WDR88: variants seen among roughly 807,000 people sequenced by gnomAD.
WDR88 encodes the protein WD repeat domain 88.
In WDR88, 40 loss-of-function variants were observed where a neutral mutation model predicts 46.8. The ratio of observed to expected loss-of-function variants is 0.86; its 90% CI spans 0.66 to 1.11. The LOEUF is 1.11. Ranked by LOEUF, WDR88 falls within the 50% of genes most tolerant of loss-of-function variation. The pLI, the probability that WDR88 is intolerant of heterozygous loss-of-function variation, is 0.00. For missense variants in WDR88, 562 were observed against 602.4 expected (o/e 0.93, Z 0.70); for synonymous variants, 235 against 240.7 (o/e 0.98, Z 0.22).
intron 8 of WDR88, among the ~76,000 whole-genome samples, chr19:33,162,694 TCC>T (rs1973889308): frequency 6.6e-6 from 1 of 151,906 alleles, no homozygotes; most frequent in African/African-American, 2.4e-5. Flanking sequence ...ATAATATTTC[TCC>T]CCCAATCTTG....
intron 9 of WDR88, among the ~76,000 whole-genome samples, chr19:33,171,165 T>C (rs1465417065): frequency 6.6e-6 from 1 of 152,116 alleles, no homozygotes; most frequent in African/African-American, 2.4e-5. Context: ...TTTGTATTTT[T>C]AGTAGAGACA....
At chr19:33,164,323 A>G in intron 9 of WDR88, 58 bp downstream of exon 9, 1 of 1,509,432 alleles carries the variant, frequency 6.6e-7, no homozygotes, top group Non-Finnish European at 9.2e-7. Context: ...TGATAGTGGA[A>G]GAGTTATTGC....
intron 5 of WDR88, 64 bp from the exon 6 acceptor site, chr19:33,151,117 G>C: frequency 6.4e-7 from 1 of 1,559,454 alleles, no homozygotes. Context: ...GGGAAGTCGT[G>C]GGAGTCCTCC....
intron 1 of WDR88, among the ~76,000 whole-genome samples, chr19:33,135,186 C>T (rs1973237183): frequency 6.6e-6 from 1 of 151,970 alleles, no homozygotes; most frequent in Non-Finnish European, 1.5e-5. Context: ...ATTCAGAGTA[C>T]TGTACTCCCC....
At chr19:33,174,323 G>A in intron 10 of WDR88, 5 of 1,516,192 alleles carry the variant, frequency 3.3e-6, no homozygotes, top group Non-Finnish European at 3.5e-6. Flanking sequence ...TCTCCAGCAG[G>A]CCTCAGTGTC....
intron 8 of WDR88, among the ~76,000 whole-genome samples, chr19:33,162,505 G>T (rs1181101536): frequency 6.6e-6 from 1 of 151,556 alleles, no homozygotes; most frequent in East Asian, 1.9e-4. Context: ...GGAGCACCGC[G>T]CCCGGCCTGC....
intron 6 of WDR88, 95 bp from the exon 7 acceptor site, chr19:33,156,260 G>A (rs1973732481): frequency 3.8e-6 from 5 of 1,318,716 alleles, no homozygotes; most frequent in East Asian, 2.3e-5. Context: ...GCCCGACCAT[G>A]AGCTCACAGG....
chr19:33,164,706 C>G (rs938977179), intron 9 of WDR88, among the ~76,000 whole-genome samples: 1 of 151,984 alleles, frequency 6.6e-6, no homozygotes, highest in Non-Finnish European at 1.5e-5. Context: ...GTGTGAACCC[C>G]GGAGAAGTGG....
intron 6 of WDR88, among the ~76,000 whole-genome samples, chr19:33,153,229 GTTTT>G (rs35860325): frequency 1.5e-5 from 2 of 129,510 alleles, no homozygotes; most frequent in African/African-American, 5.6e-5. Context: ...TTTTAAGTTT[GTTTT>G]TTTTTTTTTT....
intron 2 of WDR88, among the ~76,000 whole-genome samples, chr19:33,144,263 A>G (rs779135275): frequency 6.6e-6 from 1 of 152,212 alleles, no homozygotes; most frequent in East Asian, 1.9e-4. Context: ...GAAGTGGCGC[A>G]ATCTTAGCTC....
At chr19:33,172,265 T>C (rs1974050292) in intron 9 of WDR88, 83 bp from the exon 10 acceptor site, 1 of 1,191,724 alleles carries the variant, frequency 8.4e-7, no homozygotes, top group Non-Finnish European at 1.2e-6. Context: ...TGACAGCCCA[T>C]GTCTTTTGAT....
chr19:33,134,480 A>C (rs1378749061), intron 1 of WDR88, among the ~76,000 whole-genome samples: 1 of 152,066 alleles, frequency 6.6e-6, no homozygotes. Flanking sequence ...TGCGTGAGCC[A>C]CTGCACCCAG....
At chr19:33,169,970 C>T (rs1258620133) in intron 9 of WDR88, among the ~76,000 whole-genome samples, 2 of 152,102 alleles carry the variant, frequency 1.3e-5, no homozygotes, top group Admixed American at 6.6e-5. Context: ...CTCCGCCTCC[C>T]GGGTTCAAGT....
intron 1 of WDR88, among the ~76,000 whole-genome samples, chr19:33,134,251 G>A (rs965750079): frequency 1.6e-4 from 24 of 152,064 alleles, no homozygotes; most frequent in Admixed American, 4.6e-4. Flanking sequence ...TGGGGGTAGC[G>A]GAATGGTTCC....
At chr19:33,164,366 C>A in intron 9 of WDR88, 101 bp downstream of exon 9, 1 of 1,065,554 alleles carries the variant, frequency 9.4e-7, no homozygotes, top group Non-Finnish European at 1.5e-6. Context: ...GTTCGGTGAG[C>A]TGTACCTGAC....
chr19:33,134,937 G>A (rs1568356863), intron 1 of WDR88, among the ~76,000 whole-genome samples: 1 of 137,052 alleles, frequency 7.3e-6, no homozygotes, highest in South Asian at 2.6e-4. Flanking sequence ...ACTCAGCCCA[G>A]CACCCTGACA....
chr19:33,154,314 G>A (rs778866013), intron 6 of WDR88, among the ~76,000 whole-genome samples: 4 of 151,940 alleles, frequency 2.6e-5, no homozygotes, highest in African/African-American at 4.8e-5. Context: ...CTATCAACAC[G>A]TCATCTAGGT....
chr19:33,139,563 T>C (rs1281679528), intron 2 of WDR88, among the ~76,000 whole-genome samples: 2 of 152,144 alleles, frequency 1.3e-5, no homozygotes, highest in Non-Finnish European at 2.9e-5. Context: ...ATGTTTTCTC[T>C]GGTATTTCCT....
At chr19:33,167,795 CTT>C (rs991047947) in intron 9 of WDR88, among the ~76,000 whole-genome samples, 52 of 151,648 alleles carry the variant, frequency 3.4e-4, no homozygotes, top group African/African-American at 1.2e-3. Flanking sequence ...CTCTTTCTCT[CTT>C]TCTTTCTTTC....
Sources: gnomAD v4.1 joint callset for allele counts (sites outside exome capture counted in the v4.1 genomes callset) on GRCh38, gnomAD v4.1.1 for gene constraint, MANE v1.5 for transcripts, NCBI Gene and HGNC (gene_info 2026-07-23, HGNC 2026-07-21) for gene names.